Variants in NUTF2 observed in about 807,000 individuals in gnomAD.
NUTF2 encodes the protein placental protein 15.
In NUTF2, 3 loss-of-function variants were observed where a neutral mutation model predicts 18.5. That is an observed-to-expected ratio of 0.16 (90% confidence interval 0.07 to 0.42). The LOEUF (loss-of-function observed/expected upper bound fraction) is 0.42, where lower values mean the gene tolerates loss of function less well. Ranked by LOEUF, NUTF2 falls within the 10% of genes least tolerant of loss-of-function variation. The pLI, the probability that NUTF2 is intolerant of heterozygous loss-of-function variation, is 0.99. For synonymous variants in NUTF2, 51 were observed against 57.9 expected (o/e 0.88, Z 0.54); for missense variants, 44 against 160.7 (o/e 0.27, Z 3.93).
intron 1 of NUTF2, among the ~76,000 whole-genome samples, chr16:67,859,988 CT>C (rs559029215): frequency 1.4e-5 from 2 of 143,472 alleles, no homozygotes; most frequent in Non-Finnish European, 1.5e-5. Context: ...TTTTTTTTTT[CT>C]TTTTTTTTGA....
chr16:67,871,721 T>G lies in NUTF2; in HGVS notation c.*808T>G, dbSNP rs2058014799. ...CACGTTCAGGCCCTCCGGGCTGAGT[T>G]GTCAGCAGTATCAAGGGAGGGGCCT... On this transcript the variant is annotated 3_prime_UTR_variant, in exon 5 of 5. Coordinates refer to ENST00000219169, the MANE Select transcript of NUTF2 (RefSeq NM_005796.3). 1.3e-5 allele frequency: 2 copies of G among 152,260 alleles called. No individual in the cohort carries two copies. Among genetic ancestry groups the G allele is most frequent in the African/African-American group, 4.8e-5 (2 of 41,450 alleles). 9.4% of individuals were successfully genotyped at this position (152,260 alleles called of 1,614,324 possible).
intron 4 of NUTF2, 62 bp from the exon 5 acceptor site, chr16:67,870,738 A>C (rs893629749): frequency 1.5e-6 from 2 of 1,370,284 alleles, no homozygotes; most frequent in African/African-American, 2.9e-5. Flanking sequence ...CTCTTCTCCT[A>C]CCACTGAATT....
chr16:67,849,149 TG>T (rs1459251863), intron 1 of NUTF2, among the ~76,000 whole-genome samples: 2 of 152,178 alleles, frequency 1.3e-5, no homozygotes, highest in Non-Finnish European at 2.9e-5. Flanking sequence ...AGGCCAACTT[TG>T]CCAGTGGAGC....
chr16:67,870,738 AC>A, intron 4 of NUTF2, 61 bp from the exon 5 acceptor site: 1 of 1,370,402 alleles, frequency 7.3e-7, no homozygotes, highest in Non-Finnish European at 1.0e-6. Context: ...CTCTTCTCCT[AC>A]CACTGAATTC....
chr16:67,856,492 GTT>G (rs34691084), intron 1 of NUTF2, among the ~76,000 whole-genome samples: 19 of 129,404 alleles, frequency 1.5e-4, no homozygotes, highest in Non-Finnish European at 2.2e-4. Flanking sequence ...CCCTGGCCCA[GTT>G]TTTTTTTTTT....
chr16:67,855,580 G>C (rs1404571429), intron 1 of NUTF2, among the ~76,000 whole-genome samples: 4 of 152,154 alleles, frequency 2.6e-5, no homozygotes, highest in African/African-American at 9.7e-5. Flanking sequence ...AGTAAACTGG[G>C]GGAATTTTGG....
intron 1 of NUTF2, among the ~76,000 whole-genome samples, chr16:67,849,983 C>G (rs987686943): frequency 6.6e-6 from 1 of 151,706 alleles, no homozygotes; most frequent in African/African-American, 2.4e-5. Flanking sequence ...GCAGTGATGT[C>G]ATCTCCATAT....
intron 1 of NUTF2, among the ~76,000 whole-genome samples, chr16:67,859,285 T>C (rs1248539437): frequency 6.6e-6 from 1 of 151,566 alleles, no homozygotes; most frequent in African/African-American, 2.4e-5. Flanking sequence ...GTTCAAGCAG[T>C]TCTCCTGCCT....
At chr16:67,868,652 T>C in intron 4 of NUTF2, 53 bp downstream of exon 4, 1 of 1,509,264 alleles carries the variant, frequency 6.6e-7, no homozygotes, top group Non-Finnish European at 9.2e-7. Flanking sequence ...AGGAGAGTCT[T>C]GTACCCCTGC....
chr16:67,864,683 A>G (rs1359467555), intron 1 of NUTF2, among the ~76,000 whole-genome samples: 2 of 152,136 alleles, frequency 1.3e-5, no homozygotes, highest in East Asian at 1.9e-4. Context: ...AGTGGGAAGA[A>G]TAGCAATAAC....
chr16:67,863,141 T>C (rs2057945824), intron 1 of NUTF2, among the ~76,000 whole-genome samples: 1 of 152,188 alleles, frequency 6.6e-6, no homozygotes, highest in Non-Finnish European at 1.5e-5. Context: ...GTCTGACCTC[T>C]TGGAAATGTG....
intron 1 of NUTF2, among the ~76,000 whole-genome samples, chr16:67,862,206 C>T (rs963010896): frequency 4.6e-5 from 7 of 152,224 alleles, no homozygotes; most frequent in Non-Finnish European, 7.4e-5. Context: ...AAAAAAGAGA[C>T]GGGCCTTGAC....
At chr16:67,866,619 C>T (rs1317274683) in intron 2 of NUTF2, among the ~76,000 whole-genome samples, 2 of 152,106 alleles carry the variant, frequency 1.3e-5, no homozygotes, top group African/African-American at 4.8e-5. Flanking sequence ...GCACGTGTTG[C>T]CATGCCCGGC....
intron 1 of NUTF2, among the ~76,000 whole-genome samples, chr16:67,855,683 C>T (rs943088816): frequency 2.6e-5 from 4 of 152,156 alleles, no homozygotes; most frequent in Non-Finnish European, 5.9e-5. Context: ...CAGGAAAGAG[C>T]TCTGTGTGGA....
Position 67,870,789 on chromosome 16 carries a change from TCTC to T in NUTF2, c.271-7_271-5del, listed in dbSNP as rs774907202. 6.2e-6 allele frequency: 10 copies of T among 1,602,052 alleles called. No homozygotes were observed. The highest frequency in any genetic ancestry group is 1.7e-4 in the Middle Eastern group (1 of 6,012). On this transcript the variant is annotated splice_region_variant and splice_polypyrimidine_tract_variant and intron_variant, in intron 4 of 4. Coordinates refer to ENST00000219169, the MANE Select transcript of NUTF2 (RefSeq NM_005796.3). ...GATCCCCTTACTGAATCCTCTTTTC[TCTC>T]CTCATAGGCGGATGAAGACCCCATC...
chr16:67,868,957 A>C, intron 4 of NUTF2: 1 of 197,514 alleles, frequency 5.1e-6, no homozygotes, highest in Non-Finnish European at 1.1e-5. Flanking sequence ...CTCTGCCCTA[A>C]GGTCAAGGTG....
intron 2 of NUTF2, among the ~76,000 whole-genome samples, chr16:67,865,932 C>G (rs1192650379): frequency 6.6e-6 from 1 of 152,128 alleles, no homozygotes; most frequent in Non-Finnish European, 1.5e-5. Flanking sequence ...GTTGGCCAGG[C>G]TGGTCTCGAA....
intron 1 of NUTF2, among the ~76,000 whole-genome samples, chr16:67,848,759 A>G (rs995647433): frequency 2.7e-5 from 4 of 147,374 alleles, no homozygotes; most frequent in East Asian, 3.9e-4. Context: ...AAGAAAAAGA[A>G]AAAAAAAAAA....
chr16:67,868,822 C>T, intron 4 of NUTF2: 1 of 422,404 alleles, frequency 2.4e-6, no homozygotes, highest in Non-Finnish European at 4.4e-6. Context: ...GTTGTACTAG[C>T]CATATAGAAC....
Sources: allele counts gnomAD v4.1 joint callset (sites outside exome capture counted in the v4.1 genomes callset), GRCh38; gene constraint gnomAD v4.1.1; transcripts MANE v1.5; gene names NCBI Gene and HGNC (gene_info 2026-07-23, HGNC 2026-07-21).